Variants in STK32B observed in about 807,000 individuals in gnomAD.
STK32B encodes serine/threonine-protein kinase 32B.
STK32B carries 43 observed loss-of-function variants against 52.6 expected under a neutral mutation model. The observed-to-expected ratio is 0.82, with a 90% confidence interval of 0.64 to 1.05. The LOEUF is 1.05. Among genes scored for constraint, STK32B ranks in the 50% least tolerant of loss-of-function variants. STK32B has a pLI of 0.00. For synonymous variants in STK32B, 238 were observed against 204.3 expected, an observed-to-expected ratio of 1.17 and a Z score of -1.41; for missense variants, 621 against 534.6, an observed-to-expected ratio of 1.16 and a Z score of -1.59.
chr4:5,409,748 C>G (rs1055406405), intron 5 of STK32B, among the ~76,000 whole-genome samples: 1 of 152,064 alleles, frequency 6.6e-6, no homozygotes, highest in African/African-American at 2.4e-5. Context: ...CATTTCTTGT[C>G]ACTGGTTGTT....
chr4:5,482,863 G>A (rs369050919), intron 11 of STK32B, among the ~76,000 whole-genome samples: 1,203 of 151,160 alleles, frequency 8.0e-3, no homozygotes, highest in African/African-American at 0.028. Context: ...TTTTGTCTTT[G>A]GTTCTGTTTA....
intron 3 of STK32B, among the ~76,000 whole-genome samples, chr4:5,325,695 A>C (rs1731824843): frequency 6.6e-6 from 1 of 152,156 alleles, no homozygotes; most frequent in South Asian, 2.1e-4. Context: ...CACAGCACAC[A>C]ATTTTCTTTG....
chr4:5,261,897 C>G lies in STK32B; in HGVS notation c.261-69323C>G, dbSNP rs1726735878. Among the ~76,000 whole-genome samples the G allele has an allele frequency of 2.6e-5, 4 of 152,240 alleles. No homozygotes were observed. The Middle Eastern group carries it at 0.014, about 518-fold the overall frequency. On this transcript the variant is annotated intron_variant, in intron 3 of 11. Coordinates refer to ENST00000282908, the MANE Select transcript of STK32B (RefSeq NM_018401.3). ...CTAATGATGATCTTGACAGTATTCG[C>G]AGCAGAAATATTCAAATGCAATTAA... is the stretch of plus-strand genomic sequence containing the variant.
intron 7 of STK32B, among the ~76,000 whole-genome samples, chr4:5,455,285 A>T (rs916847649): frequency 2.6e-5 from 4 of 152,186 alleles, no homozygotes; most frequent in African/African-American, 9.6e-5. Flanking sequence ...ATGAGGTTGG[A>T]GCCAGGACCT....
intron 3 of STK32B, among the ~76,000 whole-genome samples, chr4:5,288,956 C>T (rs1011121514): frequency 2.6e-5 from 4 of 152,116 alleles, no homozygotes; most frequent in African/African-American, 7.2e-5. Flanking sequence ...CACCTTCATT[C>T]GTTGCAAATG....
intron 3 of STK32B, among the ~76,000 whole-genome samples, chr4:5,249,670 G>A (rs1401283666): frequency 6.6e-6 from 1 of 152,034 alleles, no homozygotes; most frequent in African/African-American, 2.4e-5. Flanking sequence ...ACTCTTCCTT[G>A]ATCCAGATAT....
Position 5,386,823 on chromosome 4 carries a change from C to T in STK32B, c.435-11384C>T, listed in dbSNP as rs1736284439. 6.6e-6 allele frequency among the ~76,000 whole-genome samples: 1 copy of T among 152,212 alleles called. No homozygotes were observed. The highest frequency in any genetic ancestry group is 1.5e-5 in the Non-Finnish European group (1 of 68,042). On this transcript the variant is annotated intron_variant, in intron 4 of 11. Transcript: ENST00000282908. This position sits in a 1 kb window ranked among gnomAD's most constrained non-coding sequence, Gnocchi z 4.5. Reference sequence around the variant, plus strand: ...CCAACTCTCGGATTCCAATAGAAGTCACGTGGATAGAGTCGGATTCAGCCT... The same window carrying T: ...CCAACTCTCGGATTCCAATAGAAGTTACGTGGATAGAGTCGGATTCAGCCT...
At chr4:5,485,775 T>C (rs538533836) in intron 11 of STK32B, among the ~76,000 whole-genome samples, 1 of 152,348 alleles carries the variant, frequency 6.6e-6, no homozygotes, top group African/African-American at 2.4e-5. Flanking sequence ...GGTGTGGATG[T>C]ACTTTCTGTT....
chr4:5,161,147 A>G (rs558081568), intron 2 of STK32B, among the ~76,000 whole-genome samples: 1 of 152,192 alleles, frequency 6.6e-6, no homozygotes, highest in Non-Finnish European at 1.5e-5. Flanking sequence ...TACCAGGCCC[A>G]TGGCACGCAC....
At chr4:5,108,667 T>G (rs1325410957) in intron 1 of STK32B, among the ~76,000 whole-genome samples, 1 of 152,206 alleles carries the variant, frequency 6.6e-6, no homozygotes, top group Admixed American at 6.5e-5. Flanking sequence ...TTTCTACAAT[T>G]TTTTTTGTTA....
intron 2 of STK32B, among the ~76,000 whole-genome samples, chr4:5,160,695 C>T (rs759946579): frequency 6.6e-6 from 1 of 152,202 alleles, no homozygotes. Context: ...ATGTGCCAGA[C>T]ACTGAGGATG....
intron 3 of STK32B, among the ~76,000 whole-genome samples, chr4:5,247,375 G>A (rs899660948): frequency 1.3e-5 from 2 of 152,220 alleles, no homozygotes; most frequent in Non-Finnish European, 2.9e-5. Context: ...TCTGAGCCAT[G>A]TGCAGGATAT....
At chr4:5,208,875 C>T (rs913669557) in intron 3 of STK32B, among the ~76,000 whole-genome samples, 1 of 152,228 alleles carries the variant, frequency 6.6e-6, no homozygotes, top group Non-Finnish European at 1.5e-5. Flanking sequence ...GATAAATGAT[C>T]ACGATGCCTG....
intron 2 of STK32B, among the ~76,000 whole-genome samples, chr4:5,156,670 C>A (rs528500671): frequency 1.3e-5 from 2 of 152,174 alleles, no homozygotes; most frequent in Admixed American, 1.3e-4. Flanking sequence ...GCACGTGGGC[C>A]CTCTGCTTGA....
chr4:5,363,115 CTCA>C (rs1282152829), intron 4 of STK32B, among the ~76,000 whole-genome samples: 2 of 152,172 alleles, frequency 1.3e-5, no homozygotes, highest in East Asian at 3.9e-4. Flanking sequence ...GTCCCATGTT[CTCA>C]TCATCAATAT....
intron 3 of STK32B, among the ~76,000 whole-genome samples, chr4:5,194,780 A>G (rs745892728): frequency 6.6e-6 from 1 of 152,200 alleles, no homozygotes; most frequent in Non-Finnish European, 1.5e-5. Context: ...GAAATTTACA[A>G]TCATGGTAGA....
At chr4:5,387,161 G>C (rs1231460544) in intron 4 of STK32B, among the ~76,000 whole-genome samples, 1 of 152,236 alleles carries the variant, frequency 6.6e-6, no homozygotes, top group Non-Finnish European at 1.5e-5. Flanking sequence ...ATCCCAGCCT[G>C]GACCAGGGCC....
At chr4:5,266,762 G>C (rs962519995) in intron 3 of STK32B, among the ~76,000 whole-genome samples, 3 of 152,070 alleles carry the variant, frequency 2.0e-5, no homozygotes, top group Non-Finnish European at 4.4e-5. Context: ...AATTCCCCTT[G>C]GCCTCTTTGA....
chr4:5,456,242 G>C (rs1040078660), intron 7 of STK32B, among the ~76,000 whole-genome samples: 1 of 152,246 alleles, frequency 6.6e-6, no homozygotes, highest in Admixed American at 6.5e-5. Context: ...CTGGGGGAGA[G>C]CAGAGCTTAC....
Sources: allele counts gnomAD v4.1 joint callset (sites outside exome capture counted in the v4.1 genomes callset), GRCh38; gene constraint gnomAD v4.1.1; non-coding constraint Gnocchi (gnomAD v3.1); transcripts MANE v1.5; gene names NCBI Gene and HGNC (gene_info 2026-07-23, HGNC 2026-07-21).